The following LRBA variants were observed in gnomAD, a reference collection of about 807,000 sequenced individuals.
LRBA encodes the protein lipopolysaccharide-responsive and beige-like anchor protein.
A neutral mutation model predicts 330.0 loss-of-function variants in LRBA; 176 were observed. The observed-to-expected ratio is 0.53, with a 90% CI of 0.47 to 0.60. The LOEUF (loss-of-function observed/expected upper bound fraction) is 0.60, where lower values mean the gene tolerates loss of function less well. Among genes scored for constraint, LRBA ranks in the 20% least tolerant of loss-of-function variants. The probability of loss-of-function intolerance (pLI) is 0.00; values close to 1 mark genes in which losing one functional copy is unlikely to be tolerated. For missense variants in LRBA, 3,259 were observed against 3,444.8 expected, an observed-to-expected ratio of 0.95 and a Z score of 1.35; for synonymous variants, 1,230 against 1,193.0, an observed-to-expected ratio of 1.03 and a Z score of -0.64.
At chr4:150,507,655 G>A (rs1410617316) in intron 40 of LRBA, among the ~76,000 whole-genome samples, 1 of 152,088 alleles carries the variant, frequency 6.6e-6, no homozygotes, top group East Asian at 1.9e-4. Flanking sequence ...TACCATTCAG[G>A]ACACAGGCAT....
chr4:150,578,343 C>T (rs1331672469), intron 40 of LRBA, among the ~76,000 whole-genome samples: 3 of 152,150 alleles, frequency 2.0e-5, no homozygotes, highest in Non-Finnish European at 2.9e-5. Context: ...CTTATTTTAA[C>T]ACCAAGTATT....
chr4:151,011,918 A>C (rs1276097076), intron 2 of LRBA, among the ~76,000 whole-genome samples: 2 of 151,892 alleles, frequency 1.3e-5, no homozygotes, highest in African/African-American at 2.4e-5. Flanking sequence ...TCTTGGCCTC[A>C]AGTGAACCTC....
chr4:150,801,296 A>C (rs868503477), intron 33 of LRBA, among the ~76,000 whole-genome samples: 1 of 152,168 alleles, frequency 6.6e-6, no homozygotes, highest in African/African-American at 2.4e-5. Context: ...CTGAAACACA[A>C]CCATCTTGAA....
intron 46 of LRBA, among the ~76,000 whole-genome samples, chr4:150,426,005 T>C (rs1318978861): frequency 2.0e-5 from 3 of 152,142 alleles, no homozygotes; most frequent in South Asian, 2.1e-4. Context: ...AAAGAGCTGA[T>C]TAACAATATA....
chr4:150,436,958 A>C, intron 44 of LRBA, 94 bp from the exon 45 acceptor site: 1 of 1,156,210 alleles, frequency 8.6e-7, no homozygotes, highest in Non-Finnish European at 1.3e-6. Context: ...GTAAGTATAA[A>C]AGTGAATTTT....
At chr4:150,558,901 G>T (rs186716207) in intron 40 of LRBA, among the ~76,000 whole-genome samples, 2 of 152,032 alleles carry the variant, frequency 1.3e-5, no homozygotes, top group Non-Finnish European at 2.9e-5. Flanking sequence ...TATTCGCATG[G>T]TATCATTAAA....
chr4:150,302,763 A>G lies in LRBA; in HGVS notation c.7879T>C (p.Trp2627Arg), dbSNP rs200295901. The G allele has an allele frequency of 6.5e-5, 104 of 1,608,410 alleles. No individual in the cohort carries two copies. The Middle Eastern group carries it at 9.9e-4, about 15-fold the overall frequency. Residue 2627 changes from tryptophan (W) to arginine (R), a missense_variant, in exon 53 of 57, where the codon TGG becomes CGG. Physicochemically the swap from Trp to Arg is moderately radical, Grantham distance 101 (BLOSUM62 -3). Transcript: ENST00000651943. ...GRLIQVVFGHWDVVTCLARSE... is the reference protein window; with the variant it reads ...GRLIQVVFGHRDVVTCLARSE... The stretch of plus-strand genomic sequence containing the variant: ...CGAGCAAGGCAAGTGACGACATCCC[A>G]ATGGCCAAACACCACTTGGATCAAT...
intron 2 of LRBA, among the ~76,000 whole-genome samples, chr4:150,969,955 T>G (rs551325104): frequency 6.6e-6 from 1 of 152,276 alleles, no homozygotes; most frequent in East Asian, 1.9e-4. Context: ...CATTGCATGC[T>G]ACAGAGAAAT....
At position 150,906,425 on chromosome 4, in the gene LRBA, C is replaced by T. The variant is rs746968872; in HGVS notation, c.1494-20G>A. 148 of 1,303,426 alleles carry T rather than the reference C, an allele frequency of 1.1e-4. 2 individuals carry two copies. The highest frequency in any genetic ancestry group is 1.0e-3 in the South Asian group (81 of 80,938). The allele number at this position is 1,303,426 out of a possible 1,614,324, so 80.7% of individuals were successfully genotyped here. ...GTTGAACTAGAATTTTTTAAAAAGGCGATGATTAAAAAAACATATTCTATT... is the reference window on the plus strand; with the variant it reads ...GTTGAACTAGAATTTTTTAAAAAGGTGATGATTAAAAAAACATATTCTATT... On this transcript the variant is annotated intron_variant, in intron 11 of 56. Transcript: ENST00000651943.
At chr4:150,319,277 C>T (rs1732154230) in intron 50 of LRBA, among the ~76,000 whole-genome samples, 1 of 152,108 alleles carries the variant, frequency 6.6e-6, no homozygotes, top group South Asian at 2.1e-4. Context: ...CCCCTCCTCA[C>T]ATCTGATGTC....
intron 47 of LRBA, among the ~76,000 whole-genome samples, chr4:150,394,124 T>C (rs1744392724): frequency 6.6e-6 from 1 of 152,192 alleles, no homozygotes; most frequent in Non-Finnish European, 1.5e-5. Flanking sequence ...TTAGAGGCCT[T>C]GTGATCATTC....
At chr4:150,323,248 G>A (rs901014346) in intron 49 of LRBA, among the ~76,000 whole-genome samples, 14 of 151,980 alleles carry the variant, frequency 9.2e-5, no homozygotes, top group African/African-American at 3.4e-4. Flanking sequence ...CCTGGGAAAA[G>A]GAAATGAACA....
chr4:150,898,155 T>A (rs944675741), intron 14 of LRBA, among the ~76,000 whole-genome samples: 3 of 151,998 alleles, frequency 2.0e-5, no homozygotes, highest in Non-Finnish European at 2.9e-5. Flanking sequence ...TCTGAGAGTA[T>A]TAGTAAGGTA....
At chr4:151,010,040 T>C (rs936096800) in intron 2 of LRBA, among the ~76,000 whole-genome samples, 3 of 151,882 alleles carry the variant, frequency 2.0e-5, no homozygotes, top group Non-Finnish European at 4.4e-5. Flanking sequence ...ATTTAAAGTA[T>C]ACGGAAGATA....
intron 40 of LRBA, among the ~76,000 whole-genome samples, chr4:150,540,781 G>A (rs1765236139): frequency 6.6e-6 from 1 of 152,146 alleles, no homozygotes; most frequent in African/African-American, 2.4e-5. Flanking sequence ...AGGGCCCTGT[G>A]TCAGCAAAAT....
chr4:150,984,222 G>T lies in LRBA; in HGVS notation c.216+30205C>A, dbSNP rs140319410. Among the ~76,000 whole-genome samples the T allele has an allele frequency of 9.1e-4, 138 of 152,334 alleles. 3 individuals are homozygous for T. In the East Asian group the frequency reaches 0.026, roughly 29 times the overall value. The stretch of plus-strand genomic sequence containing the variant: ...CATAAGAAAATTTTTGCGATCTACA[G>T]AACTTTAGGGCTGGGCGCAGTGGCC... On this transcript the variant is annotated intron_variant, in intron 2 of 56. Coordinates refer to ENST00000651943, the MANE Select transcript of LRBA (RefSeq NM_001364905.1).
intron 2 of LRBA, among the ~76,000 whole-genome samples, chr4:150,945,594 C>T (rs1417072117): frequency 1.3e-5 from 2 of 152,162 alleles, no homozygotes; most frequent in Non-Finnish European, 2.9e-5. Flanking sequence ...TTATGCACTG[C>T]TTCTGACATT....
chr4:150,569,794 C>G (rs1430714193), intron 40 of LRBA, among the ~76,000 whole-genome samples: 1 of 151,974 alleles, frequency 6.6e-6, no homozygotes, highest in Non-Finnish European at 1.5e-5. Flanking sequence ...CACCTAAATA[C>G]CATGAATCAT....
chr4:150,879,909 G>A (rs1728174827), intron 17 of LRBA, among the ~76,000 whole-genome samples: 1 of 151,944 alleles, frequency 6.6e-6, no homozygotes, highest in African/African-American at 2.4e-5. Flanking sequence ...AATACATACG[G>A]AACCAAAACA....
Sources: gnomAD v4.1 joint callset for allele counts (sites outside exome capture counted in the v4.1 genomes callset) on GRCh38, gnomAD v4.1.1 for gene constraint, MANE v1.5 for transcripts, NCBI Gene and HGNC (gene_info 2026-07-23, HGNC 2026-07-21) for gene names.